Variants in SDK1 observed in about 807,000 individuals in gnomAD.
SDK1 encodes the protein sidekick cell adhesion molecule 1.
Under a neutral mutation model 245.5 loss-of-function variants are expected in SDK1, and 157 were observed. The observed-to-expected ratio is 0.64, with a 90% CI of 0.56 to 0.73. The LOEUF is 0.73. Among genes scored for constraint, SDK1 ranks in the 30% least tolerant of loss-of-function variants. SDK1 has a pLI of 0.00. For missense variants in SDK1, 3,583 were observed against 3,002.3 expected (o/e 1.19, Z -4.52); for synonymous variants, 1,647 against 1,278.5 (o/e 1.29, Z -6.15).
chr7:3,980,525 AT>A (rs1562612510), intron 13 of SDK1, among the ~76,000 whole-genome samples: 1 of 152,242 alleles, frequency 6.6e-6, no homozygotes, highest in Non-Finnish European at 1.5e-5. Flanking sequence ...GACGCAATCT[AT>A]CCCCATTAGA....
intron 1 of SDK1, among the ~76,000 whole-genome samples, chr7:3,555,215 G>A (rs553884597): frequency 1.3e-5 from 2 of 152,080 alleles, no homozygotes; most frequent in Admixed American, 1.3e-4. Context: ...AAACAACATG[G>A]TATGGGCATA....
At chr7:4,049,263 C>A (rs563333075) in intron 17 of SDK1, 85 bp from the exon 18 acceptor site, 2 of 947,984 alleles carry the variant, frequency 2.1e-6, no homozygotes, top group African/African-American at 3.2e-5. Context: ...AGCATGATGG[C>A]AGCTAAGGGT....
chr7:4,053,050 G>A (rs1778975196), intron 19 of SDK1, among the ~76,000 whole-genome samples: 1 of 141,858 alleles, frequency 7.0e-6, no homozygotes, highest in South Asian at 2.2e-4. Flanking sequence ...TCATGCCACT[G>A]CACTCCAGCC....
rs774034463 is a variant in SDK1 at position 4,026,817 on chromosome 7, C to T, written c.2602+9465C>T. Among the ~76,000 whole-genome samples, 2 of 152,162 alleles carry T rather than the reference C, an allele frequency of 1.3e-5. No homozygotes were observed. Among genetic ancestry groups the T allele is most frequent in the South Asian group, 2.1e-4 (1 of 4,832 alleles). On this transcript the variant is annotated intron_variant, in intron 17 of 44. Coordinates refer to ENST00000404826, the MANE Select transcript of SDK1 (RefSeq NM_152744.4). This position sits in a 1 kb window ranked among gnomAD's most constrained non-coding sequence, Gnocchi z 4.1. Reference sequence around the variant, plus strand: ...ACAATCTGGAATTAACGATAACACCCGGCACACAAACGGCAATATGTACAC... The same window carrying T: ...ACAATCTGGAATTAACGATAACACCTGGCACACAAACGGCAATATGTACAC...
chr7:3,873,085 C>T (rs1780995768), intron 5 of SDK1, among the ~76,000 whole-genome samples: 1 of 152,092 alleles, frequency 6.6e-6, no homozygotes, highest in South Asian at 2.1e-4. Context: ...TATCATACTC[C>T]TTTTGCCTGA....
At chr7:4,093,471 A>AG (rs1781935449) in intron 22 of SDK1, among the ~76,000 whole-genome samples, 1 of 151,782 alleles carries the variant, frequency 6.6e-6, no homozygotes, top group Non-Finnish European at 1.5e-5. Flanking sequence ...AAAAAAAAAA[A>AG]AAAAAAAAAA....
At chr7:3,952,095 T>C (rs888157232) in intron 7 of SDK1, 175 bp downstream of exon 7, 14 of 613,844 alleles carry the variant, frequency 2.3e-5, no homozygotes, top group African/African-American at 2.3e-4. Context: ...AGAATATAAG[T>C]CCATTAAATC....
chr7:3,892,526 C>T (rs192101753), intron 5 of SDK1, among the ~76,000 whole-genome samples: 5 of 152,320 alleles, frequency 3.3e-5, no homozygotes, highest in African/African-American at 1.2e-4. Context: ...TGAGCCTGTA[C>T]CCTTCACCTC....
At chr7:3,655,287 G>A (rs1282236003) in intron 4 of SDK1, among the ~76,000 whole-genome samples, 1 of 150,814 alleles carries the variant, frequency 6.6e-6, no homozygotes, top group Non-Finnish European at 1.5e-5. Flanking sequence ...TACAAAATTA[G>A]CCAGACGTGG....
At chr7:3,781,190 C>G (rs1263606045) in intron 4 of SDK1, among the ~76,000 whole-genome samples, 1 of 152,096 alleles carries the variant, frequency 6.6e-6, no homozygotes, top group South Asian at 2.1e-4. Flanking sequence ...AGCCTATAGC[C>G]CTGCCCAACT....
intron 5 of SDK1, among the ~76,000 whole-genome samples, chr7:3,868,760 G>C (rs1257516542): frequency 6.6e-6 from 1 of 152,096 alleles, no homozygotes. Flanking sequence ...GGGTACATCT[G>C]TTACCTTTAA....
rs542963380 is a variant in SDK1, at chr7:3,659,264, C to G, written c.713+17159C>G. ...TGTATGCTTCCTGAATGTCAGCTGC[C>G]CTGGTCGGTACTGGTATGATATCAC... On this transcript the variant is annotated intron_variant, in intron 4 of 44. Transcript: ENST00000404826. Among the ~76,000 whole-genome samples, 87 of 152,074 alleles carry G rather than the reference C, an allele frequency of 5.7e-4. 1 individual carries two copies. Among genetic ancestry groups the G allele is most frequent in the African/African-American group, 2.1e-3 (87 of 41,452 alleles).
At position 4,266,905 on chromosome 7, in the gene SDK1, C is replaced by T; in HGVS notation, c.*1521C>T. ...GGCAAACGGGCAGGTGCCGTTCCCC[C>T]AGTGACCTGAGGGTAGGGGACAACT... On this transcript the variant is annotated 3_prime_UTR_variant, in exon 45 of 45. Transcript: ENST00000404826. The T allele has an allele frequency of 3.0e-6, 3 of 985,530 alleles. No homozygotes were observed. The highest frequency in any genetic ancestry group is 3.6e-6 in the Non-Finnish European group (3 of 829,994). 61.0% of individuals were successfully genotyped at this position (985,530 alleles called of 1,614,324 possible).
intron 24 of SDK1, among the ~76,000 whole-genome samples, chr7:4,113,752 A>G (rs1458499599): frequency 6.6e-6 from 1 of 152,224 alleles, no homozygotes; most frequent in East Asian, 1.9e-4. Context: ...CCAATACTCA[A>G]TATTTGTAAG....
chr7:3,562,209 C>G (rs1025132832), intron 1 of SDK1, among the ~76,000 whole-genome samples: 1 of 152,202 alleles, frequency 6.6e-6, no homozygotes, highest in Non-Finnish European at 1.5e-5. Flanking sequence ...ACTCTTATCT[C>G]CAAGGATTCC....
chr7:3,683,764 C>A (rs115909535), intron 4 of SDK1, among the ~76,000 whole-genome samples: 6 of 152,196 alleles, frequency 3.9e-5, no homozygotes, highest in African/African-American at 1.4e-4. Flanking sequence ...GCCTTAGACA[C>A]ATGCATTACA....
intron 42 of SDK1, among the ~76,000 whole-genome samples, chr7:4,238,681 T>C (rs1786335254): frequency 6.6e-6 from 1 of 151,800 alleles, no homozygotes; most frequent in African/African-American, 2.4e-5. Flanking sequence ...CCCCAGTAGC[T>C]AGGATTACAG....
intron 1 of SDK1, among the ~76,000 whole-genome samples, chr7:3,437,786 A>G (rs1236933190): frequency 6.6e-6 from 1 of 152,168 alleles, no homozygotes; most frequent in African/African-American, 2.4e-5. Flanking sequence ...ATTAGATATG[A>G]TTAAGGATAC....
chr7:3,356,174 A>C (rs1780789092), intron 1 of SDK1, among the ~76,000 whole-genome samples: 1 of 152,080 alleles, frequency 6.6e-6, no homozygotes, highest in Admixed American at 6.6e-5. Context: ...GTTAATATAA[A>C]TATCTGTAGT....
Sources: allele counts gnomAD v4.1 joint callset (sites outside exome capture counted in the v4.1 genomes callset), GRCh38; gene constraint gnomAD v4.1.1; non-coding constraint Gnocchi (gnomAD v3.1); transcripts MANE v1.5; gene names NCBI Gene and HGNC (gene_info 2026-07-23, HGNC 2026-07-21).